The following PNPLA7 variants were observed in gnomAD, a reference collection of about 807,000 sequenced individuals.
PNPLA7 encodes patatin-like phospholipase domain-containing protein 7.
A neutral mutation model predicts 161.7 loss-of-function variants in PNPLA7; 153 were observed. The observed-to-expected ratio is 0.95, with a 90% CI of 0.83 to 1.08. PNPLA7 has a LOEUF of 1.08. PNPLA7 is among the 50% of genes least tolerant of loss of function. PNPLA7 has a pLI of 0.00. For synonymous variants in PNPLA7, 809 were observed against 782.1 expected (o/e 1.03, Z -0.57); for missense variants, 1,739 against 1,856.6 (o/e 0.94, Z 1.16).
intron 8 of PNPLA7, among the ~76,000 whole-genome samples, chr9:137,528,778 G>A (rs1483290130): frequency 6.6e-6 from 1 of 150,814 alleles, no homozygotes; most frequent in East Asian, 1.9e-4. Flanking sequence ...TTGGCTCACC[G>A]CAAACTCTGC....
intron 14 of PNPLA7, among the ~76,000 whole-genome samples, chr9:137,502,490 A>G (rs553184588): frequency 7.4e-5 from 11 of 148,658 alleles, no homozygotes; most frequent in African/African-American, 2.7e-4. Flanking sequence ...GGAGAAAGAG[A>G]TGGAGGAGGA....
Position 137,501,782 on chromosome 9 carries a change from A to G in PNPLA7, c.1474-55T>C, listed in dbSNP as rs555793518. 3.7e-5 allele frequency: 57 copies of G among 1,558,558 alleles called. No individual in the cohort carries two copies. In the Admixed American group the frequency reaches 9.6e-4, roughly 26 times the overall value. ...GGGCGGGAAGCATAAATGAAGGTCC[A>G]GAGAACAGAGGCTGCACTGGGCTGT... On this transcript the variant is annotated intron_variant, in intron 14 of 34. Coordinates refer to ENST00000406427, the MANE Select transcript of PNPLA7 (RefSeq NM_001098537.3).
At chr9:137,480,238 C>G in intron 23 of PNPLA7, 74 bp downstream of exon 23, 1 of 1,519,952 alleles carries the variant, frequency 6.6e-7, no homozygotes, top group Non-Finnish European at 8.9e-7. Flanking sequence ...CAGTATTTTA[C>G]TCAAAGGAAA....
intron 25 of PNPLA7, among the ~76,000 whole-genome samples, chr9:137,472,403 C>T (rs1236457703): frequency 6.6e-6 from 1 of 151,910 alleles, no homozygotes; most frequent in East Asian, 1.9e-4. Flanking sequence ...GTAATCCCAG[C>T]ACTTTGGGAG....
intron 25 of PNPLA7, among the ~76,000 whole-genome samples, chr9:137,470,178 G>A (rs1351079338): frequency 2.0e-5 from 3 of 151,804 alleles, no homozygotes; most frequent in Non-Finnish European, 2.9e-5. Flanking sequence ...ATCACACCCA[G>A]CTAATCTTTT....
chr9:137,547,218 T>G lies in PNPLA7; in HGVS notation c.193+91A>C. On this transcript the variant is annotated intron_variant, in intron 3 of 34. Coordinates refer to ENST00000406427, the MANE Select transcript of PNPLA7 (RefSeq NM_001098537.3). This position sits in a 1 kb window ranked among gnomAD's most constrained non-coding sequence, Gnocchi z 4.6. ...ATTCTAGCCAAAGCCACCATGCGCT[T>G]GAGGGCCCCTCCCAGGGGCTCAAAA... 7.9e-7 allele frequency: 1 copy of G among 1,272,932 alleles called. No individual in the cohort carries two copies. Among genetic ancestry groups the G allele is most frequent in the Non-Finnish European group, 1.1e-6 (1 of 877,514 alleles). The allele number at this position is 1,272,932 out of a possible 1,614,324, so 78.9% of individuals were successfully genotyped here.
Position 137,543,831 on chromosome 9 carries a change from A to G in PNPLA7, c.274-16T>C, listed in dbSNP as rs1330408880. ...GTGTGGTCACCTGCAGAGCCAAGGGAGAGACCAGCCACTGACCCTGCAAGC... is the reference window on the plus strand; with the variant it reads ...GTGTGGTCACCTGCAGAGCCAAGGGGGAGACCAGCCACTGACCCTGCAAGC... On this transcript the variant is annotated splice_polypyrimidine_tract_variant and intron_variant, in intron 4 of 34. Transcript: ENST00000406427. The surrounding 1 kb of genome is among the most constrained non-coding windows in gnomAD (Gnocchi z 6.9). 1 of 1,605,378 alleles carries G rather than the reference A, an allele frequency of 6.2e-7. No homozygotes were observed. The highest frequency in any genetic ancestry group is 1.3e-5 in the African/African-American group (1 of 74,704).
intron 20 of PNPLA7, among the ~76,000 whole-genome samples, chr9:137,487,507 A>G (rs2132189229): frequency 6.6e-6 from 1 of 152,354 alleles, no homozygotes; most frequent in East Asian, 1.9e-4. Context: ...GTGCAGGAAA[A>G]GAACCGGGGC....
At chr9:137,544,187 T>TC (rs1836364522) in intron 4 of PNPLA7, among the ~76,000 whole-genome samples, 2 of 151,862 alleles carry the variant, frequency 1.3e-5, no homozygotes, top group Non-Finnish European at 2.9e-5. Flanking sequence ...CCACCGACCT[T>TC]CCCCCCCAAC....
intron 12 of PNPLA7, chr9:137,509,841 C>T: frequency 2.4e-6 from 1 of 410,898 alleles, no homozygotes; most frequent in South Asian, 1.7e-5. Context: ...AAATATAAAA[C>T]AAGAATAGTT....
intron 8 of PNPLA7, among the ~76,000 whole-genome samples, chr9:137,538,876 A>AC (rs1166043117): frequency 1.3e-5 from 2 of 151,964 alleles, no homozygotes; most frequent in Admixed American, 6.6e-5. Flanking sequence ...ACATGGTGAA[A>AC]CCCCGTCTGT....
rs113209008 is a variant in PNPLA7 at position 137,523,357 on chromosome 9, T to C, written c.748-500A>G. ...ACCGCCTAGGACAGGGAGCGCGCACTGCCGGGTCGCACGAGGCCCAGGTGA... is the reference window on the plus strand; with the variant it reads ...ACCGCCTAGGACAGGGAGCGCGCACCGCCGGGTCGCACGAGGCCCAGGTGA... On this transcript the variant is annotated intron_variant, in intron 8 of 34. Transcript: ENST00000406427. The surrounding 1 kb of genome is among the most constrained non-coding windows in gnomAD (Gnocchi z 4.4). Among the ~76,000 whole-genome samples, 494 of 151,532 alleles carry C rather than the reference T, an allele frequency of 3.3e-3. 3 individuals are homozygous for C. Among genetic ancestry groups the C allele is most frequent in the Non-Finnish European group, 5.5e-3 (374 of 67,952 alleles).
At chr9:137,477,153 C>T (rs912964361) in intron 25 of PNPLA7, among the ~76,000 whole-genome samples, 1 of 152,256 alleles carries the variant, frequency 6.6e-6, no homozygotes, top group Non-Finnish European at 1.5e-5. Flanking sequence ...GAGGCTCCGC[C>T]CTGCCCCTTA....
In PNPLA7 at chr9:137,500,796, T is replaced by TC. The variant is rs1218847944; in HGVS notation, c.1651dup (p.Glu551GlyfsTer36). ...GAGCACGGCCAGCTGGCCCACCATC[T>TC]CCCCGGGGCGCGTGAGGAACAAGCA... On this transcript the variant is annotated frameshift_variant, in exon 16 of 35. Coordinates refer to ENST00000406427, the MANE Select transcript of PNPLA7 (RefSeq NM_001098537.3). LOFTEE classifies it high-confidence loss of function. The surrounding 1 kb of genome is among the most constrained non-coding windows in gnomAD (Gnocchi z 5.5). 1.2e-6 allele frequency: 2 copies of TC among 1,610,558 alleles called. No homozygotes were observed. The highest frequency in any genetic ancestry group is 1.7e-6 in the Non-Finnish European group (2 of 1,179,330).
At chr9:137,463,378 T>C (rs1831309335) in intron 29 of PNPLA7, 37 bp downstream of exon 29, 2 of 1,533,784 alleles carry the variant, frequency 1.3e-6, no homozygotes, top group Admixed American at 1.8e-5. Context: ...CCCAGGAGCC[T>C]GTGCTCCTGC....
At chr9:137,532,086 C>T (rs1044990527) in intron 8 of PNPLA7, among the ~76,000 whole-genome samples, 1 of 152,132 alleles carries the variant, frequency 6.6e-6, no homozygotes, top group Non-Finnish European at 1.5e-5. Context: ...TGCGTATCTG[C>T]GGTATTTTGT....
At chr9:137,504,035 GGAAGAAGAAA>G (rs1564325877) in intron 14 of PNPLA7, among the ~76,000 whole-genome samples, 4 of 101,392 alleles carry the variant, frequency 3.9e-5, no homozygotes, top group Admixed American at 2.4e-4. Context: ...GGAGGAGGAA[GGAAGAAGAAA>G]GAAGAAGGAA....
intron 8 of PNPLA7, among the ~76,000 whole-genome samples, chr9:137,528,571 C>T (rs542563733): frequency 1.3e-5 from 2 of 152,096 alleles, no homozygotes; most frequent in East Asian, 3.9e-4. Context: ...CATGAGCCAC[C>T]GCGCCTGGCC....
chr9:137,461,205 G>A (rs1268651322), intron 33 of PNPLA7: 7 of 360,950 alleles, frequency 1.9e-5, no homozygotes, highest in African/African-American at 6.1e-5. Flanking sequence ...CTTGTCCTGC[G>A]GCCCCTCCAA....
Sources: gnomAD v4.1 joint callset for allele counts (sites outside exome capture counted in the v4.1 genomes callset) on GRCh38, gnomAD v4.1.1 for gene constraint, Gnocchi (gnomAD v3.1) non-coding constraint, MANE v1.5 for transcripts, NCBI Gene and HGNC (gene_info 2026-07-23, HGNC 2026-07-21) for gene names.